PEAK1: variants seen among roughly 807,000 people sequenced by gnomAD.
PEAK1 encodes the protein pseudopodium enriched atypical kinase 1.
PEAK1 carries 54 observed loss-of-function variants against 124.7 expected under a neutral mutation model. The observed-to-expected ratio is 0.43, with a 90% CI of 0.35 to 0.54. PEAK1 has a LOEUF of 0.54. Ranked by LOEUF, PEAK1 falls within the 20% of genes least tolerant of loss-of-function variation. PEAK1 has a pLI of 0.01. For missense variants in PEAK1, 2,046 were observed against 2,134.5 expected (o/e 0.96, Z 0.82); for synonymous variants, 719 against 760.0 (o/e 0.95, Z 0.89).
chr15:77,322,441 G>C lies in PEAK1; in HGVS notation c.-602-35937C>G, dbSNP rs560052254. ...AATAGACGCAATAAAAAATGATAAA[G>C]GGGATATCACCACCGATCCCACAGA... is the stretch of plus-strand genomic sequence containing the variant. On this transcript the variant is annotated intron_variant, in intron 2 of 9. Coordinates refer to ENST00000682557, the MANE Select transcript of PEAK1 (RefSeq NM_001385026.1). Among the ~76,000 whole-genome samples the C allele has an allele frequency of 7.3e-4, 111 of 152,206 alleles. 1 individual carries two copies. Among genetic ancestry groups the C allele is most frequent in the Middle Eastern group, 3.4e-3 (1 of 294 alleles).
At chr15:77,175,646 C>T (rs937319603) in intron 7 of PEAK1, among the ~76,000 whole-genome samples, 1 of 152,182 alleles carries the variant, frequency 6.6e-6, no homozygotes, top group African/African-American at 2.4e-5. Context: ...CACTTTTACA[C>T]TGTTGGTGGG....
In PEAK1 at chr15:77,298,197, A is replaced by ATTTTTTTTTTT. The variant is rs749000554; in HGVS notation, c.-602-11704_-602-11694dup. ...TAGCTTCTTTTGTTTGGTATCCTTA[A>ATTTTTTTTTTT]TTTTTTTTTTTTTTTTTTTTTTTTT... On this transcript the variant is annotated intron_variant, in intron 2 of 9. Coordinates refer to ENST00000682557, the MANE Select transcript of PEAK1 (RefSeq NM_001385026.1). 1.1e-3 allele frequency among the ~76,000 whole-genome samples: 40 copies of ATTTTTTTTTTT among 37,820 alleles called. 6 individuals are homozygous for ATTTTTTTTTTT. The highest frequency in any genetic ancestry group is 5.2e-3 in the East Asian group (5 of 954). The allele number at this position is 37,820 out of a possible 152,430, so 24.8% of individuals were successfully genotyped here.
intron 6 of PEAK1, among the ~76,000 whole-genome samples, chr15:77,207,304 C>T (rs1334894385): frequency 1.3e-5 from 2 of 152,070 alleles, no homozygotes; most frequent in African/African-American, 2.4e-5. Flanking sequence ...ATTCTTGGTA[C>T]GTATGTTAAG....
intron 1 of PEAK1, among the ~76,000 whole-genome samples, chr15:77,414,547 TGAAAC>T (rs1203644390): frequency 8.5e-5 from 13 of 152,246 alleles, no homozygotes; most frequent in Admixed American, 2.0e-4. Context: ...TCCTCTGACT[TGAAAC>T]GAACATGGTT....
chr15:77,240,948 T>C (rs1390463526), intron 6 of PEAK1, among the ~76,000 whole-genome samples: 3 of 152,202 alleles, frequency 2.0e-5, no homozygotes, highest in Admixed American at 6.5e-5. Context: ...ATTCATTTTA[T>C]GAGATCTGCT....
rs1255756943 is a variant in PEAK1 at position 77,252,438 on chromosome 15, C to G, written c.-186G>C. ...TTAGCAGCTAGCAAAACATTCCTTC[C>G]AAATTTCAAGGTGCTTTGGGTCTTT... On this transcript the variant is annotated 5_prime_UTR_variant, in exon 6 of 10. Coordinates refer to ENST00000682557, the MANE Select transcript of PEAK1 (RefSeq NM_001385026.1). 9 of 985,136 alleles carry G rather than the reference C, an allele frequency of 9.1e-6. No individual in the cohort carries two copies. Among genetic ancestry groups the G allele is most frequent in the Non-Finnish European group, 1.1e-5 (9 of 829,834 alleles). The allele number at this position is 985,136 out of a possible 1,614,324, so 61.0% of individuals were successfully genotyped here. A position where few individuals can be genotyped will look rare whatever the true frequency, so the allele number is the denominator to read the frequency against.
At chr15:77,321,561 T>C (rs1444433665) in intron 2 of PEAK1, among the ~76,000 whole-genome samples, 1 of 152,220 alleles carries the variant, frequency 6.6e-6, no homozygotes, top group Non-Finnish European at 1.5e-5. Context: ...TATTAGCCCT[T>C]TGTCAGATGA....
At chr15:77,364,960 T>C (rs1308936474) in intron 2 of PEAK1, among the ~76,000 whole-genome samples, 3 of 152,230 alleles carry the variant, frequency 2.0e-5, no homozygotes, top group Admixed American at 6.5e-5. Context: ...AAAAGTATTT[T>C]ATCACTAGAA....
chr15:77,311,641 C>A (rs1225886011), intron 2 of PEAK1, among the ~76,000 whole-genome samples: 1 of 141,126 alleles, frequency 7.1e-6, no homozygotes, highest in Admixed American at 7.7e-5. Flanking sequence ...CCACTGCACT[C>A]TAGCCTGGGA....
At position 77,114,747 on chromosome 15, in the gene PEAK1, C is replaced by A; in HGVS notation, c.4650G>T (p.Arg1550Ser). Reference protein sequence around the residue: ...EPSPTSSYPTRLIVSNFSQAK... With the variant: ...EPSPTSSYPTSLIVSNFSQAK... ...CCTGAGAGAAGTTGCTCACTATAAG[C>A]CTAGTGGGATAAGATGAGGTGGGGC... Residue 1550 changes from arginine to serine, a missense_variant, in exon 10 of 10, where the codon AGG becomes AGT. Arg to Ser is a moderately radical substitution (Grantham distance 110, BLOSUM62 -1). Transcript: ENST00000682557. 1 of 1,613,256 alleles carries A rather than the reference C, an allele frequency of 6.2e-7. No individual in the cohort carries two copies. The highest frequency in any genetic ancestry group is 8.5e-7 in the Non-Finnish European group (1 of 1,179,922).
At chr15:77,353,910 T>C (rs1201380912) in intron 2 of PEAK1, among the ~76,000 whole-genome samples, 1 of 152,200 alleles carries the variant, frequency 6.6e-6, no homozygotes, top group Non-Finnish European at 1.5e-5. Context: ...GCCAAAGGTG[T>C]TACTGTGAAA....
intron 8 of PEAK1, among the ~76,000 whole-genome samples, chr15:77,136,422 T>G (rs112318559): frequency 1.4e-4 from 22 of 152,248 alleles, no homozygotes; most frequent in Middle Eastern, 3.4e-3. Context: ...TCCCAGCACT[T>G]TGAGAGGCTG....
chr15:77,400,909 T>G (rs1289450950), intron 1 of PEAK1, among the ~76,000 whole-genome samples: 6 of 152,184 alleles, frequency 3.9e-5, no homozygotes, highest in African/African-American at 1.4e-4. Context: ...TTGCTCAATT[T>G]AAAACATTTT....
intron 2 of PEAK1, chr15:77,347,151 C>T (rs968454552): frequency 2.2e-6 from 2 of 889,854 alleles, no homozygotes; most frequent in African/African-American, 3.6e-5. Context: ...CAAAAGAAGG[C>T]CAGTGTAGCT....
At position 77,180,407 on chromosome 15, in the gene PEAK1, G is replaced by C; in HGVS notation, c.1520C>G (p.Ser507Cys). 3 of 1,614,144 alleles carry C rather than the reference G, an allele frequency of 1.9e-6. No individual in the cohort carries two copies. Among genetic ancestry groups the C allele is most frequent in the Non-Finnish European group, 2.5e-6 (3 of 1,180,006 alleles). The change falls in exon 7 of 10, where the codon TCT (serine) becomes TGT (cysteine). Residue 507 changes from serine (S) to cysteine (C), a missense_variant. Coordinates refer to ENST00000682557, the MANE Select transcript of PEAK1 (RefSeq NM_001385026.1). ...TGTCAATGAAGATGATGTAACTGGA[G>C]AGTTTGGAGTAGAGGATGAGCTTTT... Reference protein sequence around the residue: ...KTKSSSSTPNSPVTSSSLTPG... With the variant: ...KTKSSSSTPNCPVTSSSLTPG...
chr15:77,124,427 G>C (rs2052196546), intron 9 of PEAK1, among the ~76,000 whole-genome samples: 1 of 152,192 alleles, frequency 6.6e-6, no homozygotes, highest in Non-Finnish European at 1.5e-5. Flanking sequence ...AACCCATTGA[G>C]ATCTCATCTT....
In PEAK1 at chr15:77,244,999, C is replaced by T. The variant is rs185698495; in HGVS notation, c.-115+7368G>A. Among the ~76,000 whole-genome samples, 5 of 152,236 alleles carry T rather than the reference C, an allele frequency of 3.3e-5. No individual in the cohort carries two copies. In the East Asian group the frequency reaches 9.6e-4, roughly 29 times the overall value. On this transcript the variant is annotated intron_variant, in intron 6 of 9. Transcript: ENST00000682557. The stretch of plus-strand genomic sequence containing the variant: ...TACACATTTTCTACAATACATAATG[C>T]CTCTCAGTCAAAACACTGAACTGTT...
intron 8 of PEAK1, chr15:77,155,052 TCTC>T (rs1202831921): frequency 2.6e-5 from 4 of 152,344 alleles, no homozygotes; most frequent in African/African-American, 9.6e-5. Flanking sequence ...TTGGGGAACT[TCTC>T]CTGGATAATA....
intron 2 of PEAK1, chr15:77,348,567 C>T: frequency 1.0e-6 from 1 of 968,978 alleles, no homozygotes; most frequent in South Asian, 4.8e-5. Context: ...CTTAAGTGAC[C>T]AGCCCAGAGT....
Sources: gnomAD v4.1 joint callset for allele counts (sites outside exome capture counted in the v4.1 genomes callset) on GRCh38, gnomAD v4.1.1 for gene constraint, MANE v1.5 for transcripts, NCBI Gene and HGNC (gene_info 2026-07-23, HGNC 2026-07-21) for gene names.